Variants in CDH19 observed in about 807,000 individuals in gnomAD.
The protein encoded by CDH19 is cadherin 19, also known as cadherin-19.
A neutral mutation model predicts 64.2 loss-of-function variants in CDH19; 67 were observed. The ratio of observed to expected loss-of-function variants is 1.04; its 90% CI spans 0.86 to 1.28. The LOEUF (loss-of-function observed/expected upper bound fraction) is 1.28, where lower values mean the gene tolerates loss of function less well. CDH19 is among the 50% of genes most tolerant of loss of function. The pLI is 0.00. For missense variants in CDH19, 1,030 were observed against 929.0 expected (o/e 1.11, Z -1.41); for synonymous variants, 346 against 319.3 (o/e 1.08, Z -0.89).
At chr18:66,523,936 C>G (rs1945540586) in intron 9 of CDH19, among the ~76,000 whole-genome samples, 1 of 151,914 alleles carries the variant, frequency 6.6e-6, no homozygotes, top group South Asian at 2.1e-4. Context: ...GGGCGTAATT[C>G]CTGTGCACAG....
intron 1 of CDH19, among the ~76,000 whole-genome samples, chr18:66,586,613 GTAGTACCATA>G (rs566699011): frequency 2.4e-3 from 361 of 152,048 alleles, no homozygotes; most frequent in Non-Finnish European, 3.9e-3. Context: ...AAGCACCTCT[GTAGTACCATA>G]TAGAGGAGTT....
At chr18:66,603,457 T>G (rs958039858) in intron 1 of CDH19, among the ~76,000 whole-genome samples, 2 of 151,298 alleles carry the variant, frequency 1.3e-5, no homozygotes, top group African/African-American at 4.8e-5. Flanking sequence ...AATATTTTAA[T>G]TTTTTTGGAA....
intron 9 of CDH19, among the ~76,000 whole-genome samples, chr18:66,525,716 A>T (rs1247066906): frequency 6.6e-6 from 1 of 152,132 alleles, no homozygotes; most frequent in African/African-American, 2.4e-5. Context: ...ACTGATTTCA[A>T]TTTGTAAACT....
chr18:66,568,510 A>G lies in CDH19; in HGVS notation c.396T>C (p.Ser132=). The change falls in exon 3 of 12, where the codon TCT becomes TCC. Residue 132 remains serine, a synonymous_variant. Coordinates refer to ENST00000262150, the MANE Select transcript of CDH19 (RefSeq NM_021153.4). ...IATGRAVEPE[S]EFVIKVSDIN... is the part of the protein sequence containing the mutation. Reference sequence around the variant, plus strand: ...TATCCGAAACTTTGATGACAAACTCAGACTCAGGTTCCACAGCCCTTCCAG... The same window carrying G: ...TATCCGAAACTTTGATGACAAACTCGGACTCAGGTTCCACAGCCCTTCCAG... 6.2e-7 allele frequency: 1 copy of G among 1,612,344 alleles called. No homozygotes were observed.
chr18:66,520,930 G>A lies in CDH19; in HGVS notation c.1458+8915C>T, dbSNP rs527301299. Among the ~76,000 whole-genome samples, 12 of 152,068 alleles carry A rather than the reference G, an allele frequency of 7.9e-5. No homozygotes were observed. The South Asian group carries it at 2.3e-3, about 29-fold the overall frequency. On this transcript the variant is annotated intron_variant, in intron 9 of 11. Coordinates refer to ENST00000262150, the MANE Select transcript of CDH19 (RefSeq NM_021153.4). ...TCTGGTTGTTTTATTAATCTAGGAG[G>A]TACTTTGAAAGATCACTTTTCTTTT... is the stretch of plus-strand genomic sequence containing the variant.
rs1458638478 is a variant in CDH19 at position 66,504,585 on chromosome 18, T to C, written c.*227A>G. ...CTAAATTATTTTACTTCAAATCTGGTTGTATTGATGCCTGTGAGCTGATTG... is the reference window on the plus strand; with the variant it reads ...CTAAATTATTTTACTTCAAATCTGGCTGTATTGATGCCTGTGAGCTGATTG... On this transcript the variant is annotated 3_prime_UTR_variant, in exon 12 of 12. Transcript: ENST00000262150. 1 of 413,350 alleles carries C rather than the reference T, an allele frequency of 2.4e-6. No homozygotes were observed. Among genetic ancestry groups the C allele is most frequent in the East Asian group, 3.3e-5 (1 of 30,284 alleles). The allele number at this position is 413,350 out of a possible 1,614,324, so 25.6% of individuals were successfully genotyped here.
At chr18:66,597,081 CAAAAAAA>C in intron 1 of CDH19, among the ~76,000 whole-genome samples, 1 of 26,330 alleles carries the variant, frequency 3.8e-5, no homozygotes, top group South Asian at 1.8e-3. Context: ...GACTCCATCT[CAAAAAAA>C]AAAAAAAAAA....
At chr18:66,562,272 G>A (rs1987751187) in intron 3 of CDH19, among the ~76,000 whole-genome samples, 1 of 151,536 alleles carries the variant, frequency 6.6e-6, no homozygotes, top group Non-Finnish European at 1.5e-5. Flanking sequence ...GGAGCCCTGA[G>A]CTTGGTTTCC....
chr18:66,552,720 A>ACGCTTCTCCATACGTTGT (rs1568194220), intron 4 of CDH19, among the ~76,000 whole-genome samples: 1 of 134,536 alleles, frequency 7.4e-6, no homozygotes, highest in Non-Finnish European at 1.5e-5. Context: ...CGTTGTCCAT[A>ACGCTTCTCCATACGTTGT]CCAACGCTTC....
At chr18:66,569,878 T>C (rs1988045334) in intron 2 of CDH19, among the ~76,000 whole-genome samples, 1 of 151,684 alleles carries the variant, frequency 6.6e-6, no homozygotes, top group African/African-American at 2.4e-5. Flanking sequence ...TCTGATGGCT[T>C]AAGTTATAAT....
At chr18:66,583,456 C>T (rs1027913613) in intron 1 of CDH19, among the ~76,000 whole-genome samples, 3 of 151,880 alleles carry the variant, frequency 2.0e-5, no homozygotes, top group Non-Finnish European at 2.9e-5. Context: ...CGCCTAGTAC[C>T]CAATAGTTGT....
At chr18:66,569,298 T>C (rs1025021110) in intron 2 of CDH19, among the ~76,000 whole-genome samples, 1 of 151,686 alleles carries the variant, frequency 6.6e-6, no homozygotes, top group Non-Finnish European at 1.5e-5. Context: ...GAAATACATA[T>C]TATTGATATG....
At chr18:66,581,653 C>T (rs558140332) in intron 1 of CDH19, among the ~76,000 whole-genome samples, 8 of 152,106 alleles carry the variant, frequency 5.3e-5, no homozygotes, top group Admixed American at 4.6e-4. Flanking sequence ...GTTCTTCGGC[C>T]TTTGGACTCA....
chr18:66,588,389 T>A (rs72936260), intron 1 of CDH19, among the ~76,000 whole-genome samples: 50,483 of 151,086 alleles, frequency 0.33, 9,865 homozygotes, highest in Non-Finnish European at 0.45. Flanking sequence ...ATCATACAAA[T>A]GCAGGACAAT....
intron 9 of CDH19, among the ~76,000 whole-genome samples, chr18:66,528,945 T>A (rs1251580973): frequency 6.6e-6 from 1 of 151,908 alleles, no homozygotes; most frequent in Non-Finnish European, 1.5e-5. Context: ...TGAACATTAG[T>A]GGACATTTTT....
chr18:66,568,449 A>G lies in CDH19; in HGVS notation c.457T>C (p.Tyr153His). 9.3e-6 allele frequency: 15 copies of G among 1,611,844 alleles called. No homozygotes were observed. The highest frequency in any genetic ancestry group is 1.3e-5 in the Non-Finnish European group (15 of 1,178,648). ...DNEPKFLDEP[Y>H]EAIVPEMSPE... ...GACATCTCTGGTACAATGGCCTCAT[A>G]AGGTTCATCTAGGAATTTTGGTTCA... Residue 153 changes from tyrosine (Y) to histidine (H), a missense_variant, in exon 3 of 12, where the codon TAT becomes CAT. By Grantham distance (83) the Tyr-to-His change is moderately conservative (BLOSUM62 2). Transcript: ENST00000262150.
intron 1 of CDH19, among the ~76,000 whole-genome samples, chr18:66,577,552 A>T (rs1294130633): frequency 6.6e-6 from 1 of 152,004 alleles, no homozygotes; most frequent in Non-Finnish European, 1.5e-5. Context: ...TTTACCGTGC[A>T]TGAGGTCACA....
At position 66,505,002 on chromosome 18, in the gene CDH19, G is replaced by C; in HGVS notation, c.2129C>G (p.Pro710Arg). Residue 710 changes from proline (P) to arginine (R), a missense_variant, in exon 12 of 12, where the codon CCG becomes CGG. Pro to Arg is a moderately radical substitution (Grantham distance 103). Transcript: ENST00000262150. ...GAGGGAATCAAAAGGAGGGGCACAC[G>C]GATCAGTATTAGCTTCTTCGAGCTT... Reference protein sequence around the residue: ...LEKLEEANTDPCAPPFDSLQT... With the variant: ...LEKLEEANTDRCAPPFDSLQT... The C allele has an allele frequency of 6.2e-7, 1 of 1,613,520 alleles. No individual in the cohort carries two copies. The highest frequency in any genetic ancestry group is 1.7e-4 in the Middle Eastern group (1 of 6,058).
At position 66,552,466 on chromosome 18, in the gene CDH19, T is replaced by C. The variant is rs940196400; in HGVS notation, c.611-1208A>G. The stretch of plus-strand genomic sequence containing the variant: ...AGGGGATTTTAGTTGCGGACTAAAG[T>C]GTTTCACACATGTAATCAATTATTT... On this transcript the variant is annotated intron_variant, in intron 4 of 11. Transcript: ENST00000262150. Among the ~76,000 whole-genome samples the C allele has an allele frequency of 6.6e-5, 9 of 137,386 alleles. 1 individual carries two copies. The highest frequency in any genetic ancestry group is 7.5e-5 in the Non-Finnish European group (5 of 66,270). 90.1% of individuals were successfully genotyped at this position (137,386 alleles called of 152,430 possible).
Sources: allele counts gnomAD v4.1 joint callset (sites outside exome capture counted in the v4.1 genomes callset), GRCh38; gene constraint gnomAD v4.1.1; transcripts MANE v1.5; gene names NCBI Gene and HGNC (gene_info 2026-07-23, HGNC 2026-07-21).